The following SYNE1 variants were observed in gnomAD, a reference collection of about 807,000 sequenced individuals.
SYNE1 encodes the protein nesprin-1.
SYNE1 carries 616 observed loss-of-function variants against 1,111.0 expected under a neutral mutation model. The observed-to-expected ratio is 0.55, with a 90% CI of 0.52 to 0.59. The LOEUF is 0.59. Among genes scored for constraint, SYNE1 ranks in the 20% least tolerant of loss-of-function variants. The pLI, the probability that SYNE1 is intolerant of heterozygous loss-of-function variation, is 0.00. For missense variants in SYNE1, 10,006 were observed against 10,417.0 expected, an observed-to-expected ratio of 0.96 and a Z score of 1.72; for synonymous variants, 3,855 against 3,825.8, an observed-to-expected ratio of 1.01 and a Z score of -0.28.
chr6:152,521,683 C>T (rs1554844723), intron 5 of SYNE1, among the ~76,000 whole-genome samples: 4 of 152,162 alleles, frequency 2.6e-5, no homozygotes, highest in Admixed American at 6.6e-5. Flanking sequence ...CTTTTCACAT[C>T]TGTTGCCCAG....
intron 140 of SYNE1, among the ~76,000 whole-genome samples, chr6:152,138,104 TGGTACTTTGTCCTGAAATTCATGG>T (rs1289178259): frequency 2.6e-5 from 4 of 152,196 alleles, no homozygotes; most frequent in Non-Finnish European, 5.9e-5. Context: ...CTCTCTCACG[TGGTACTTTGTCCTGAAATTCATGG>T]GGTAGTGTAG....
chr6:152,539,623 A>G (rs1330658027), intron 4 of SYNE1, among the ~76,000 whole-genome samples: 1 of 152,220 alleles, frequency 6.6e-6, no homozygotes, highest in Non-Finnish European at 1.5e-5. Context: ...TGTTCCAAAT[A>G]GGAACAAACA....
chr6:152,215,063 A>G lies in SYNE1; in HGVS notation c.22192-3T>C, dbSNP rs2078305709. On this transcript the variant is annotated splice_region_variant and splice_polypyrimidine_tract_variant and intron_variant, in intron 121 of 145. Transcript: ENST00000367255. ...CTGCTGAATTTTAACATCTGTCCCT[A>G]GAAGGAAGATTTAAAAGTAGGTTTA... The G allele has an allele frequency of 6.2e-7, 1 of 1,613,988 alleles. No individual in the cohort carries two copies. Among genetic ancestry groups the G allele is most frequent in the South Asian group, 1.1e-5 (1 of 91,086 alleles).
In SYNE1 at chr6:152,330,034, A is replaced by G. The variant is rs768156021; in HGVS notation, c.14651T>C (p.Val4884Ala). ...ETVTECESRMVQSIDFQTEMS... is the reference protein window; with the variant it reads ...ETVTECESRMAQSIDFQTEMS... ...CTCAGTCTGGAAGTCTATACTCTGCACCATTCGGCTCTCACATTCTGTCAC... is the reference window on the plus strand; with the variant it reads ...CTCAGTCTGGAAGTCTATACTCTGCGCCATTCGGCTCTCACATTCTGTCAC... The change falls in exon 78 of 146, where the codon GTG becomes GCG. Residue 4884 changes from valine (V) to alanine (A), a missense_variant. Transcript: ENST00000367255. 6.2e-7 allele frequency: 1 copy of G among 1,614,170 alleles called. No homozygotes were observed.
Position 152,381,501 on chromosome 6 carries a change from C to T in SYNE1, c.8653-139G>A, listed in dbSNP as rs527730575. On this transcript the variant is annotated intron_variant, in intron 55 of 145. Coordinates refer to ENST00000367255, the MANE Select transcript of SYNE1 (RefSeq NM_182961.4). ...CCACAAGGACCCAGAATCAATTCAT[C>T]TGTCCACTCTTAAATTATAATAGCG... is the stretch of plus-strand genomic sequence containing the variant. The T allele has an allele frequency of 1.5e-4, 130 of 844,684 alleles. 4 individuals are homozygous for T. The South Asian group carries it at 1.7e-3, about 11-fold the overall frequency. The allele number at this position is 844,684 out of a possible 1,614,324, so 52.3% of individuals were successfully genotyped here. A position where few individuals can be genotyped will look rare whatever the true frequency, so the allele number is the denominator to read the frequency against.
intron 6 of SYNE1, among the ~76,000 whole-genome samples, chr6:152,511,363 T>C (rs1040790743): frequency 6.6e-6 from 1 of 152,048 alleles, no homozygotes; most frequent in African/African-American, 2.4e-5. Flanking sequence ...TGAAAAAATA[T>C]AACATGCAGG....
At chr6:152,336,623 T>C in intron 76 of SYNE1, 3 of 620,362 alleles carry the variant, frequency 4.8e-6, no homozygotes, top group Non-Finnish European at 5.8e-6. Flanking sequence ...CAGGCATTAA[T>C]GCTTGCTCGC....
intron 145 of SYNE1, chr6:152,126,167 A>C (rs900923938): frequency 6.6e-6 from 1 of 152,214 alleles, no homozygotes; most frequent in Non-Finnish European, 1.5e-5. Flanking sequence ...GACAGAGAGA[A>C]CACACAATAT....
intron 63 of SYNE1, chr6:152,363,731 G>A (rs1337064156): frequency 2.2e-6 from 1 of 454,772 alleles, no homozygotes; most frequent in Non-Finnish European, 4.4e-6. Flanking sequence ...AGCCCCTGAT[G>A]TACTCTCAGT....
rs1412965551 is a variant in SYNE1 at position 152,254,951 on chromosome 6, A to G, written c.19399T>C (p.Leu6467=). The change falls in exon 104 of 146, where the codon TTG becomes CTG. Residue 6467 remains leucine (L), a synonymous_variant. Transcript: ENST00000367255. ...CGTTGATTCACTACTGAGTCTAGCAAGGATAACCTGCCCAAAAGACAACCC... is the reference window on the plus strand; with the variant it reads ...CGTTGATTCACTACTGAGTCTAGCAGGGATAACCTGCCCAAAAGACAACCC... The part of the protein sequence containing the change: ...TLGCLLGRLS[L]LDSVVNQRCH... The G allele has an allele frequency of 6.2e-7, 1 of 1,614,058 alleles. No homozygotes were observed. Among genetic ancestry groups the G allele is most frequent in the Non-Finnish European group, 8.5e-7 (1 of 1,179,986 alleles).
chr6:152,181,086 A>G (rs1428316146), intron 128 of SYNE1, among the ~76,000 whole-genome samples: 4 of 98,268 alleles, frequency 4.1e-5, no homozygotes, highest in Non-Finnish European at 6.7e-5. Flanking sequence ...TCATTCCAAA[A>G]AAAAAAAAAA....
At chr6:152,501,192 C>T (rs970698926) in intron 10 of SYNE1, among the ~76,000 whole-genome samples, 9 of 151,688 alleles carry the variant, frequency 5.9e-5, no homozygotes, top group African/African-American at 2.2e-4. Context: ...TTTAAAATTC[C>T]GCAGTGAATC....
At chr6:152,427,877 C>A in intron 37 of SYNE1, 61 bp from the exon 38 acceptor site, 1 of 1,610,894 alleles carries the variant, frequency 6.2e-7, no homozygotes, top group East Asian at 2.2e-5. Context: ...CAGATTAAAC[C>A]TTTGTGAAGT....
intron 135 of SYNE1, among the ~76,000 whole-genome samples, chr6:152,150,469 G>A (rs2060213655): frequency 1.3e-5 from 2 of 152,220 alleles, no homozygotes; most frequent in Admixed American, 1.3e-4. Flanking sequence ...TGAGATGACA[G>A]GAGAGAGGAA....
chr6:152,273,615 C>T (rs997350923), intron 98 of SYNE1, among the ~76,000 whole-genome samples: 7 of 152,256 alleles, frequency 4.6e-5, no homozygotes, highest in African/African-American at 1.4e-4. Flanking sequence ...TTCTTTGGCA[C>T]ACAAATTATT....
chr6:152,374,922 ATTATTTTATTTTATT>A (rs140950913), intron 58 of SYNE1, among the ~76,000 whole-genome samples: 6 of 149,670 alleles, frequency 4.0e-5, no homozygotes, highest in South Asian at 4.2e-4. Context: ...TTTTTAGTTT[ATTATTTTATTTTATT>A]TTATTTTATT....
intron 29 of SYNE1, among the ~76,000 whole-genome samples, chr6:152,445,810 T>A (rs978348448): frequency 1.3e-5 from 2 of 152,150 alleles, no homozygotes; most frequent in Admixed American, 1.3e-4. Flanking sequence ...AGGGGCTGAA[T>A]GTGCCACATC....
At chr6:152,319,976 T>C (rs986502110) in intron 84 of SYNE1, 1 of 152,200 alleles carries the variant, frequency 6.6e-6, no homozygotes, top group Non-Finnish European at 1.5e-5. Context: ...CTGGCCAACA[T>C]GGCAAAACCT....
At chr6:152,451,262 C>A in intron 25 of SYNE1, 57 bp from the exon 26 acceptor site, 1 of 1,563,878 alleles carries the variant, frequency 6.4e-7, no homozygotes, top group South Asian at 1.1e-5. Context: ...TATGTACATT[C>A]CCAATTGAAG....
Sources: allele counts gnomAD v4.1 joint callset (sites outside exome capture counted in the v4.1 genomes callset), GRCh38; gene constraint gnomAD v4.1.1; transcripts MANE v1.5; gene names NCBI Gene and HGNC (gene_info 2026-07-23, HGNC 2026-07-21).